Variants in CLDN10 observed in about 807,000 individuals in gnomAD.
The protein encoded by CLDN10 is claudin-10.
Under a neutral mutation model 22.9 loss-of-function variants are expected in CLDN10, and 15 were observed. That is an observed-to-expected ratio of 0.65 (90% CI 0.44 to 1.01). CLDN10 has a LOEUF of 1.01. CLDN10 is among the 50% of genes least tolerant of loss of function. CLDN10 has a pLI of 0.00. For synonymous variants in CLDN10, 114 were observed against 111.4 expected (o/e 1.02, Z -0.15); for missense variants, 247 against 287.8 (o/e 0.86, Z 1.03).
At chr13:95,530,241 A>G (rs946183463) in intron 1 of CLDN10, among the ~76,000 whole-genome samples, 1 of 152,180 alleles carries the variant, frequency 6.6e-6, no homozygotes, top group Non-Finnish European at 1.5e-5. Flanking sequence ...ATCTCACAGA[A>G]TCCATTTCCC....
In CLDN10 at chr13:95,560,153, G is replaced by A. The variant is rs1188481980; in HGVS notation, c.242G>A (p.Gly81Glu). The change falls in exon 2 of 5, where the codon GGA (glycine) becomes GAA (glutamate). Residue 81 changes from glycine (G) to glutamate (E), a missense_variant. Physicochemically the swap from Gly to Glu is moderately conservative, Grantham distance 98 (BLOSUM62 -2). Coordinates refer to ENST00000299339, the MANE Select transcript of CLDN10 (RefSeq NM_006984.5). ...ALDGYIQACR[G>E]LMIAAVSLGF... ...GCAGGTTATATACAGGCATGTAGAG[G>A]ACTTATGATCGCTGCTGTCAGCCTG... The A allele has an allele frequency of 6.2e-7, 1 of 1,614,094 alleles. No homozygotes were observed. The highest frequency in any genetic ancestry group is 1.7e-5 in the Admixed American group (1 of 60,018).
upstream of CLDN10, among the ~76,000 whole-genome samples, chr13:95,550,909 A>AT (rs1299518342): frequency 1.5e-5 from 2 of 137,838 alleles, no homozygotes; most frequent in East Asian, 4.2e-4. Flanking sequence ...TCCTGACTTC[A>AT]TGATCCGCCC....
chr13:95,555,353 A>C (rs2043623541), intron 1 of CLDN10, among the ~76,000 whole-genome samples: 1 of 152,138 alleles, frequency 6.6e-6, no homozygotes, highest in Non-Finnish European at 1.5e-5. Context: ...CAGCCATCTT[A>C]TCATTTTAGT....
intron 1 of CLDN10, among the ~76,000 whole-genome samples, chr13:95,434,543 GTA>G (rs759022752): frequency 4.0e-5 from 6 of 148,568 alleles, no homozygotes; most frequent in South Asian, 2.2e-4. Flanking sequence ...GCACACGTGT[GTA>G]TATATATATG....
intron 1 of CLDN10, among the ~76,000 whole-genome samples, chr13:95,458,528 G>A (rs1388717446): frequency 6.6e-6 from 1 of 152,190 alleles, no homozygotes; most frequent in African/African-American, 2.4e-5. Flanking sequence ...GCAGCAGGAA[G>A]GAGAAGTGAT....
intron 1 of CLDN10, among the ~76,000 whole-genome samples, chr13:95,557,873 C>G (rs1267419781): frequency 1.3e-5 from 2 of 152,114 alleles, no homozygotes; most frequent in Non-Finnish European, 2.9e-5. Context: ...AATGGGTTGG[C>G]CTGGGATTCT....
intron 1 of CLDN10, 85 bp from the exon 2 acceptor site, chr13:95,560,046 AC>A (rs957982544): frequency 7.8e-7 from 1 of 1,284,582 alleles, no homozygotes; most frequent in Admixed American, 2.2e-5. Context: ...TGGAAAACAA[AC>A]ATCCAGAATG....
chr13:95,475,794 C>CTCTCTCTCTG (rs71211684), intron 1 of CLDN10, among the ~76,000 whole-genome samples: 30,906 of 151,288 alleles, frequency 0.2, 3,688 homozygotes, highest in Non-Finnish European at 0.28. Context: ...GCATCTCTCT[C>CTCTCTCTCTG]TCTCTCTCTG....
chr13:95,564,309 G>A (rs754209363), intron 3 of CLDN10, among the ~76,000 whole-genome samples: 1 of 152,126 alleles, frequency 6.6e-6, no homozygotes, highest in Non-Finnish European at 1.5e-5. Flanking sequence ...TGGATAGAGG[G>A]AGCCTCCCAG....
At chr13:95,439,364 A>G (rs1253649293) in intron 1 of CLDN10, among the ~76,000 whole-genome samples, 1 of 137,280 alleles carries the variant, frequency 7.3e-6, no homozygotes, top group Non-Finnish European at 1.6e-5. Flanking sequence ...TTTTTTTTTG[A>G]GACTGAGTCT....
chr13:95,552,445 A>G (rs2043576165), upstream of CLDN10, among the ~76,000 whole-genome samples: 1 of 152,236 alleles, frequency 6.6e-6, no homozygotes, highest in South Asian at 2.1e-4. Flanking sequence ...AGCCGCTCCA[A>G]CAAGCGAGCC....
rs559932491 is a variant in CLDN10 at position 95,435,975 on chromosome 13, A to T, written c.214+1928A>T. ...CCGGCCTCATCTTAAAAAAAAAAAAAAGAAAATTGTCTTAATATGTTTCAT... is the reference window on the plus strand; with the variant it reads ...CCGGCCTCATCTTAAAAAAAAAAAATAGAAAATTGTCTTAATATGTTTCAT... On this transcript the variant is annotated intron_variant, in intron 1 of 4. Transcript: ENST00000376873. 3.9e-5 allele frequency among the ~76,000 whole-genome samples: 6 copies of T among 152,132 alleles called. 1 individual carries two copies. In the South Asian group the frequency reaches 1.2e-3, roughly 32 times the overall value.
intron 1 of CLDN10, among the ~76,000 whole-genome samples, chr13:95,475,240 A>G (rs2139107328): frequency 6.6e-6 from 1 of 152,240 alleles, no homozygotes; most frequent in South Asian, 2.1e-4. Flanking sequence ...TGCACTCTAC[A>G]TATTTGTAGG....
In CLDN10 at chr13:95,467,546, T is replaced by C. The variant is rs148691131; in HGVS notation, c.214+33499T>C. Among the ~76,000 whole-genome samples, 1,310 of 152,226 alleles carry C rather than the reference T, an allele frequency of 8.6e-3. 9 individuals are homozygous for C. Among genetic ancestry groups the C allele is most frequent in the Admixed American group, 0.022 (329 of 15,286 alleles). On this transcript the variant is annotated intron_variant, in intron 1 of 4. Transcript: ENST00000376873. ...GTTTTTTTTGGGGGGGGCAATTTAT[T>C]TGTTGATGAGTAATACTTTCTGTTG...
chr13:95,468,648 C>A (rs1010573705), intron 1 of CLDN10, among the ~76,000 whole-genome samples: 1 of 152,074 alleles, frequency 6.6e-6, no homozygotes, highest in African/African-American at 2.4e-5. Flanking sequence ...ATCATTTGAA[C>A]CCCAGAGGTG....
chr13:95,436,271 C>T (rs775407289), intron 1 of CLDN10, among the ~76,000 whole-genome samples: 5 of 152,094 alleles, frequency 3.3e-5, no homozygotes, highest in Non-Finnish European at 7.4e-5. Context: ...GCAACCTCCA[C>T]CTCCCGGGTT....
chr13:95,466,261 C>A (rs200373764), intron 1 of CLDN10, among the ~76,000 whole-genome samples: 1 of 151,694 alleles, frequency 6.6e-6, no homozygotes, highest in African/African-American at 2.4e-5. Flanking sequence ...CTGTAGTTTT[C>A]TTTTTCTTTC....
At chr13:95,572,387 T>C (rs1358870778) in intron 3 of CLDN10, among the ~76,000 whole-genome samples, 5 of 152,218 alleles carry the variant, frequency 3.3e-5, no homozygotes, top group Non-Finnish European at 5.9e-5. Context: ...TTTTAAATCC[T>C]GGGTCTACCA....
chr13:95,567,706 C>T (rs1386160452), intron 3 of CLDN10, among the ~76,000 whole-genome samples: 2 of 152,148 alleles, frequency 1.3e-5, no homozygotes, highest in Non-Finnish European at 2.9e-5. Flanking sequence ...TGCCAGTTTT[C>T]AAAGGGAATG....
Sources: gnomAD v4.1 joint callset for allele counts (sites outside exome capture counted in the v4.1 genomes callset) on GRCh38, gnomAD v4.1.1 for gene constraint, MANE v1.5 for transcripts, NCBI Gene and HGNC (gene_info 2026-07-23, HGNC 2026-07-21) for gene names.